The following ANKRD12 variants were observed in gnomAD, a reference collection of about 807,000 sequenced individuals.
ANKRD12 encodes the protein ankyrin repeat domain 12, also known as ankyrin repeat domain-containing protein 12.
ANKRD12 carries 85 observed loss-of-function variants against 183.4 expected under a neutral mutation model. The observed-to-expected ratio is 0.46, with a 90% CI of 0.39 to 0.56. ANKRD12 has a LOEUF of 0.56. Ranked by LOEUF, ANKRD12 falls within the 20% of genes least tolerant of loss-of-function variation. The pLI, the probability that ANKRD12 is intolerant of heterozygous loss-of-function variation, is 0.00. For missense variants in ANKRD12, 2,405 were observed against 2,357.1 expected, an observed-to-expected ratio of 1.02 and a Z score of -0.42; for synonymous variants, 914 against 800.2, an observed-to-expected ratio of 1.14 and a Z score of -2.40.
At chr18:9,197,584 T>TA (rs1328459335) in intron 3 of ANKRD12, among the ~76,000 whole-genome samples, 1 of 152,380 alleles carries the variant, frequency 6.6e-6, no homozygotes, top group Admixed American at 6.5e-5. Flanking sequence ...TTTTGTGTGT[T>TA]ACGTTATTTT....
chr18:9,201,003 A>G (rs2035132238), intron 3 of ANKRD12, among the ~76,000 whole-genome samples: 1 of 152,314 alleles, frequency 6.6e-6, no homozygotes, highest in South Asian at 2.1e-4. Context: ...AAGACCAAGG[A>G]CAAAAGTGTC....
intron 8 of ANKRD12, among the ~76,000 whole-genome samples, chr18:9,227,612 A>G (rs900007546): frequency 2.0e-5 from 3 of 152,174 alleles, no homozygotes; most frequent in Non-Finnish European, 4.4e-5. Context: ...AACAGAATAA[A>G]TTGCCGTGGT....
chr18:9,258,756 C>T lies in ANKRD12; in HGVS notation c.5489C>T (p.Ser1830Leu). ...LKLDEIQPYS[S>L]ERANPYFEYL... is the part of the protein sequence containing the mutation. ...CTAGATGAGATTCAGCCATACAGTT[C>T]AGAGAGAGCAAATCCATATTTTGAA... Residue 1830 changes from serine to leucine, a missense_variant, in exon 9 of 13, where the codon TCA becomes TTA. By Grantham distance (145) the Ser-to-Leu change is moderately radical (BLOSUM62 -2). Around this residue, in one of 7 missense-constraint regions of ANKRD12, gnomAD observed 1,983 missense variants for 1,725.9 expected, o/e 1.15. Coordinates refer to ENST00000262126, the MANE Select transcript of ANKRD12 (RefSeq NM_015208.5). The T allele has an allele frequency of 6.2e-7, 1 of 1,613,748 alleles. No individual in the cohort carries two copies. Among genetic ancestry groups the T allele is most frequent in the Non-Finnish European group, 8.5e-7 (1 of 1,179,864 alleles).
At chr18:9,244,413 G>T (rs556462323) in intron 8 of ANKRD12, among the ~76,000 whole-genome samples, 1 of 152,076 alleles carries the variant, frequency 6.6e-6, no homozygotes, top group South Asian at 2.1e-4. Context: ...TTGAACTGAT[G>T]GGCTCAAGAG....
rs1228619519 is a variant in ANKRD12, at chr18:9,216,759, T to C, written c.654T>C (p.Gly218=). The C allele has an allele frequency of 1.2e-6, 2 of 1,611,244 alleles. No homozygotes were observed. The highest frequency in any genetic ancestry group is 4.5e-5 in the East Asian group (2 of 44,826). Residue 218 remains glycine, a splice_region_variant and synonymous_variant, in exon 7 of 13, where the codon GGT becomes GGC. Coordinates refer to ENST00000262126, the MANE Select transcript of ANKRD12 (RefSeq NM_015208.5). ...GTTAAATTAATAATCTAACTTTAGG[T>C]TGGACACCACTGCATGAAGCTTGCA... The part of the protein sequence containing the change: ...GANVNVKDFA[G]WTPLHEACNV...
At chr18:9,273,435 A>G (rs1224630770) in intron 10 of ANKRD12, among the ~76,000 whole-genome samples, 1 of 152,252 alleles carries the variant, frequency 6.6e-6, no homozygotes, top group Non-Finnish European at 1.5e-5. Context: ...ACACAAGGGC[A>G]TACCACTTCA....
At chr18:9,193,331 G>GGT (rs1598509477) in intron 2 of ANKRD12, among the ~76,000 whole-genome samples, 3 of 151,740 alleles carry the variant, frequency 2.0e-5, no homozygotes, top group Admixed American at 1.3e-4. Flanking sequence ...ACAGAAACAA[G>GGT]GTCAGGGTCC....
Position 9,204,215 on chromosome 18 carries a change from T to C in ANKRD12, c.236-261T>C, listed in dbSNP as rs190188392. 1.8e-4 allele frequency among the ~76,000 whole-genome samples: 28 copies of C among 152,364 alleles called. No individual in the cohort carries two copies. The East Asian group carries it at 5.2e-3, about 28-fold the overall frequency. ...TCAAAAAAGATAGTGTGTTTTAATA[T>C]ATAACATCAGTAATACCTGTTATTG... On this transcript the variant is annotated intron_variant, in intron 3 of 12. Transcript: ENST00000262126.
At chr18:9,143,494 A>G (rs1305405031) in intron 1 of ANKRD12, among the ~76,000 whole-genome samples, 1 of 152,036 alleles carries the variant, frequency 6.6e-6, no homozygotes, top group Admixed American at 6.6e-5. Flanking sequence ...GGAGTTTCAC[A>G]CTGTTGCCCA....
At chr18:9,217,867 T>C (rs913927417) in intron 7 of ANKRD12, among the ~76,000 whole-genome samples, 1 of 152,156 alleles carries the variant, frequency 6.6e-6, no homozygotes, top group Non-Finnish European at 1.5e-5. Context: ...AAATGTTCAG[T>C]ATATCCATCA....
intron 8 of ANKRD12, among the ~76,000 whole-genome samples, chr18:9,228,999 T>C (rs935134721): frequency 1.3e-5 from 2 of 152,130 alleles, no homozygotes; most frequent in African/African-American, 2.4e-5. Context: ...TGGTGAGAAA[T>C]AGGGATCCAG....
At chr18:9,276,682 G>A (rs1253843154) in intron 11 of ANKRD12, among the ~76,000 whole-genome samples, 1 of 151,608 alleles carries the variant, frequency 6.6e-6, no homozygotes, top group East Asian at 1.9e-4. Context: ...CACTGCACTC[G>A]AGCCTGGGCA....
chr18:9,276,974 G>A (rs1310231583), intron 11 of ANKRD12, among the ~76,000 whole-genome samples: 1 of 152,152 alleles, frequency 6.6e-6, no homozygotes, highest in Non-Finnish European at 1.5e-5. Flanking sequence ...CTAAACAGTG[G>A]TATCTTGAGA....
At chr18:9,210,224 G>A (rs2035715480) in intron 5 of ANKRD12, among the ~76,000 whole-genome samples, 1 of 151,998 alleles carries the variant, frequency 6.6e-6, no homozygotes, top group Non-Finnish European at 1.5e-5. Context: ...AATTCAGCAA[G>A]CAAATTCTCT....
intron 12 of ANKRD12, among the ~76,000 whole-genome samples, chr18:9,280,367 G>T (rs966554771): frequency 6.6e-6 from 1 of 152,220 alleles, no homozygotes; most frequent in African/African-American, 2.4e-5. Context: ...GTGTGGCCCA[G>T]TTCTGAACAG....
chr18:9,164,070 T>G (rs1373490309), intron 1 of ANKRD12, among the ~76,000 whole-genome samples: 4 of 152,160 alleles, frequency 2.6e-5, no homozygotes, highest in African/African-American at 9.7e-5. Context: ...CTGTGAGAAA[T>G]GGTGAGACAG....
At chr18:9,277,129 T>C (rs1461966995) in intron 11 of ANKRD12, among the ~76,000 whole-genome samples, 1 of 152,020 alleles carries the variant, frequency 6.6e-6, no homozygotes, top group Non-Finnish European at 1.5e-5. Flanking sequence ...ATTCCTTCTT[T>C]CTCCCAAAAC....
intron 12 of ANKRD12, among the ~76,000 whole-genome samples, chr18:9,280,297 G>A (rs556834540): frequency 6.6e-6 from 1 of 152,278 alleles, no homozygotes; most frequent in East Asian, 1.9e-4. Context: ...TGCCGTTGCT[G>A]ATCTAACAGG....
chr18:9,172,252 T>C (rs938157841), intron 1 of ANKRD12, among the ~76,000 whole-genome samples: 1 of 152,172 alleles, frequency 6.6e-6, no homozygotes, highest in Non-Finnish European at 1.5e-5. Flanking sequence ...ATTTCCTGAA[T>C]TTGAATGTTG....
Sources: gnomAD v4.1 joint callset for allele counts (sites outside exome capture counted in the v4.1 genomes callset) on GRCh38, gnomAD v4.1.1 for gene constraint, gnomAD v4.1.1 regional missense constraint, MANE v1.5 for transcripts, NCBI Gene and HGNC (gene_info 2026-07-23, HGNC 2026-07-21) for gene names.